SCFD2: variants seen among roughly 807,000 people sequenced by gnomAD.
The protein encoded by SCFD2 is sec1 family domain containing 2.
A neutral mutation model predicts 58.9 loss-of-function variants in SCFD2; 54 were observed. The ratio of observed to expected loss-of-function variants is 0.92; its 90% CI spans 0.74 to 1.15. The LOEUF (loss-of-function observed/expected upper bound fraction) is 1.15, where lower values mean the gene tolerates loss of function less well. SCFD2 is among the 50% of genes most tolerant of loss of function. The pLI, the probability that SCFD2 is intolerant of heterozygous loss-of-function variation, is 0.00. For missense variants in SCFD2, 805 were observed against 836.6 expected, an observed-to-expected ratio of 0.96 and a Z score of 0.47; for synonymous variants, 321 against 335.9, an observed-to-expected ratio of 0.96 and a Z score of 0.49.
At chr4:53,330,714 C>A (rs1577974363) in intron 2 of SCFD2, among the ~76,000 whole-genome samples, 2 of 152,000 alleles carry the variant, frequency 1.3e-5, no homozygotes, top group East Asian at 3.9e-4. Flanking sequence ...CAGCTAACAT[C>A]ATAATGACAG....
At chr4:53,298,614 C>T (rs1232589976) in intron 3 of SCFD2, among the ~76,000 whole-genome samples, 1 of 152,184 alleles carries the variant, frequency 6.6e-6, no homozygotes, top group Non-Finnish European at 1.5e-5. Flanking sequence ...TCCCAGCACA[C>T]AGCTTGAGAT....
intron 4 of SCFD2, among the ~76,000 whole-genome samples, chr4:53,223,776 T>TTTA (rs1336160753): frequency 2.0e-5 from 3 of 152,260 alleles, no homozygotes; most frequent in Non-Finnish European, 2.9e-5. Context: ...GCAGTTGACA[T>TTTA]TTATAGAGAG....
intron 4 of SCFD2, among the ~76,000 whole-genome samples, chr4:53,223,187 C>G (rs1729100587): frequency 6.6e-6 from 1 of 152,050 alleles, no homozygotes; most frequent in Admixed American, 6.6e-5. Flanking sequence ...CAATTCTTCT[C>G]TTTTTTTAGT....
intron 5 of SCFD2, among the ~76,000 whole-genome samples, chr4:52,988,020 C>T (rs1332800530): frequency 3.3e-5 from 5 of 152,188 alleles, no homozygotes; most frequent in African/African-American, 1.2e-4. Flanking sequence ...CAGCTCATTA[C>T]AGTGTCAGAC....
intron 5 of SCFD2, among the ~76,000 whole-genome samples, chr4:53,060,023 G>A (rs1032622153): frequency 6.6e-6 from 1 of 152,016 alleles, no homozygotes. Flanking sequence ...GGGCTCATTG[G>A]TCCAACTTTC....
In SCFD2 at chr4:53,026,206, G is replaced by A. The variant is rs144812274; in HGVS notation, c.1562-105336C>T. ...TCCACTCAGAGATTCTAGGAAACTC[G>A]CTGCTTTCAGGAGTAGAATATTCCC... is the stretch of plus-strand genomic sequence containing the variant. On this transcript the variant is annotated intron_variant, in intron 5 of 8. Coordinates refer to ENST00000401642, the MANE Select transcript of SCFD2 (RefSeq NM_152540.4). Among the ~76,000 whole-genome samples, 13 of 152,222 alleles carry A rather than the reference G, an allele frequency of 8.5e-5. No homozygotes were observed. The East Asian group carries it at 2.5e-3, about 29-fold the overall frequency.
Position 53,010,203 on chromosome 4 carries a change from A to T in SCFD2, c.1562-89333T>A, listed in dbSNP as rs147044749. On this transcript the variant is annotated intron_variant, in intron 5 of 8. Transcript: ENST00000401642. ...ATCTTGCTCTGGCCTCAAAGAAAAC[A>T]TATTCAACACATTTCTATAGCTTTA... Among the ~76,000 whole-genome samples the T allele has an allele frequency of 2.8e-4, 43 of 152,348 alleles. No homozygotes were observed. The East Asian group carries it at 7.7e-3, about 27-fold the overall frequency.
intron 5 of SCFD2, among the ~76,000 whole-genome samples, chr4:52,979,413 ATATT>A (rs1392683627): frequency 6.6e-6 from 1 of 152,080 alleles, no homozygotes; most frequent in Non-Finnish European, 1.5e-5. Flanking sequence ...AAATATATAT[ATATT>A]AATAAAATGA....
chr4:52,895,571 T>C (rs1006857845), intron 7 of SCFD2, among the ~76,000 whole-genome samples: 54 of 152,328 alleles, frequency 3.5e-4, no homozygotes, highest in African/African-American at 1.3e-3. Context: ...CAGTCTATCA[T>C]TGTTGGACAT....
At chr4:53,248,161 C>T (rs1730177919) in intron 4 of SCFD2, among the ~76,000 whole-genome samples, 2 of 152,164 alleles carry the variant, frequency 1.3e-5, no homozygotes, top group Non-Finnish European at 2.9e-5. Context: ...AAAGGGGTGA[C>T]AGACGGCACC....
intron 5 of SCFD2, among the ~76,000 whole-genome samples, chr4:53,129,149 AGT>A (rs2148898199): frequency 6.6e-6 from 1 of 152,358 alleles, no homozygotes; most frequent in South Asian, 2.1e-4. Flanking sequence ...TTCCTCTGCC[AGT>A]TGGCTTTCTG....
At chr4:53,251,803 A>T (rs1226229568) in intron 4 of SCFD2, among the ~76,000 whole-genome samples, 1 of 151,974 alleles carries the variant, frequency 6.6e-6, no homozygotes, top group African/African-American at 2.4e-5. Flanking sequence ...AACTAGAAGC[A>T]TTCCCTTTGA....
intron 2 of SCFD2, among the ~76,000 whole-genome samples, chr4:53,340,841 G>C (rs1733846718): frequency 6.6e-6 from 1 of 152,208 alleles, no homozygotes; most frequent in East Asian, 1.9e-4. Context: ...CTGATACCCA[G>C]GCAAACAGGG....
At chr4:53,103,972 T>C (rs1724913846) in intron 5 of SCFD2, among the ~76,000 whole-genome samples, 1 of 149,684 alleles carries the variant, frequency 6.7e-6, no homozygotes, top group Non-Finnish European at 1.5e-5. Flanking sequence ...TATCAGTCCA[T>C]ACTGATATAA....
chr4:53,293,297 C>T (rs1332632361), intron 3 of SCFD2, among the ~76,000 whole-genome samples: 1 of 151,794 alleles, frequency 6.6e-6, no homozygotes, highest in African/African-American at 2.4e-5. Context: ...ACACTGGGGC[C>T]AGTTGTGGGA....
At chr4:53,208,158 T>G (rs1238932964) in intron 4 of SCFD2, among the ~76,000 whole-genome samples, 4 of 151,760 alleles carry the variant, frequency 2.6e-5, no homozygotes, top group South Asian at 2.1e-4. Flanking sequence ...TTTATATATA[T>G]AGAGAGACAG....
intron 2 of SCFD2, among the ~76,000 whole-genome samples, chr4:53,328,358 A>G (rs1389289686): frequency 1.3e-5 from 2 of 152,146 alleles, no homozygotes; most frequent in Non-Finnish European, 2.9e-5. Flanking sequence ...TAGAGAAATG[A>G]CTGATTCCAG....
At chr4:53,178,991 G>A (rs182725499) in intron 4 of SCFD2, among the ~76,000 whole-genome samples, 2 of 152,300 alleles carry the variant, frequency 1.3e-5, no homozygotes, top group East Asian at 1.9e-4. Flanking sequence ...TAAGAAACAT[G>A]GGACTCTGTG....
At chr4:53,177,429 G>T (rs1403626545) in intron 4 of SCFD2, among the ~76,000 whole-genome samples, 3 of 35,778 alleles carry the variant, frequency 8.4e-5, no homozygotes, top group Non-Finnish European at 1.8e-4. Context: ...GGGTATTAAG[G>T]TTTATTTATT....
Sources: allele counts gnomAD v4.1 joint callset (sites outside exome capture counted in the v4.1 genomes callset), GRCh38; gene constraint gnomAD v4.1.1; transcripts MANE v1.5; gene names NCBI Gene and HGNC (gene_info 2026-07-23, HGNC 2026-07-21).